The following JAKMIP3 variants were observed in gnomAD, a reference collection of about 807,000 sequenced individuals.
JAKMIP3 encodes Janus kinase and microtubule interacting protein 3.
A neutral mutation model predicts 118.5 loss-of-function variants in JAKMIP3; 58 were observed. The observed-to-expected ratio is 0.49, with a 90% CI of 0.40 to 0.61. The LOEUF (loss-of-function observed/expected upper bound fraction) is 0.61. Ranked by LOEUF, JAKMIP3 falls within the 20% of genes least tolerant of loss-of-function variation. The probability of loss-of-function intolerance (pLI) is 0.00; values close to 1 mark genes in which losing one functional copy is unlikely to be tolerated. For missense variants in JAKMIP3, 950 were observed against 1,109.0 expected, an observed-to-expected ratio of 0.86 and a Z score of 2.04; for synonymous variants, 486 against 451.2, an observed-to-expected ratio of 1.08 and a Z score of -0.98.
Position 132,049,988 on chromosome 10 carries a change from G to T in JAKMIP3, c.-138+13250G>T, listed in dbSNP as rs1366470960. 6.6e-6 allele frequency among the ~76,000 whole-genome samples: 1 copy of T among 152,160 alleles called. No homozygotes were observed. Among genetic ancestry groups the T allele is most frequent in the African/African-American group, 2.4e-5 (1 of 41,442 alleles). On this transcript the variant is annotated intron_variant, in intron 1 of 23. Transcript: ENST00000657785. The surrounding 1 kb of genome is among the most constrained non-coding windows in gnomAD (Gnocchi z 4.3). ...TTTTTGTTTCGTTTTGATGATGGAG[G>T]TTTGTGAATATTCCCAAGTTCATGG...
rs547080719 is a variant in JAKMIP3, at chr10:132,157,848, C to G, written c.2220+3858C>G. Reference sequence around the variant, plus strand: ...AAATATTTCACCCAGCTTGTTGTTGCTCTTTGATATCAAACACTGTTTTGA... The same window carrying G: ...AAATATTTCACCCAGCTTGTTGTTGGTCTTTGATATCAAACACTGTTTTGA... On this transcript the variant is annotated intron_variant, in intron 19 of 23. Transcript: ENST00000684848. Among the ~76,000 whole-genome samples, 8 of 152,114 alleles carry G rather than the reference C, an allele frequency of 5.3e-5. No individual in the cohort carries two copies. In the South Asian group the frequency reaches 1.7e-3, roughly 32 times the overall value.
At chr10:132,078,568 T>C (rs1274340806) in intron 1 of JAKMIP3, among the ~76,000 whole-genome samples, 2 of 141,232 alleles carry the variant, frequency 1.4e-5, no homozygotes, top group Non-Finnish European at 3.1e-5. Context: ...TCCCATTCCC[T>C]GCGCATAACA....
At chr10:132,165,864 G>A (rs1353386342) in intron 21 of JAKMIP3, among the ~76,000 whole-genome samples, 1 of 152,244 alleles carries the variant, frequency 6.6e-6, no homozygotes, top group Non-Finnish European at 1.5e-5. Flanking sequence ...GTGGACTCCA[G>A]GCCACGTGGG....
chr10:132,094,084 C>A (rs1204291127), intron 1 of JAKMIP3, among the ~76,000 whole-genome samples: 2 of 151,986 alleles, frequency 1.3e-5, no homozygotes, highest in Non-Finnish European at 2.9e-5. Context: ...ACTACAGGCT[C>A]ACACCACCAT....
chr10:132,043,384 G>A (rs2037818142), intron 1 of JAKMIP3, among the ~76,000 whole-genome samples: 1 of 151,920 alleles, frequency 6.6e-6, no homozygotes, highest in East Asian at 1.9e-4. Context: ...CCGTTTGTGT[G>A]TGTGTGTGTA....
intron 19 of JAKMIP3, among the ~76,000 whole-genome samples, chr10:132,159,266 G>A (rs142256659): frequency 1.5e-4 from 21 of 142,046 alleles, no homozygotes; most frequent in South Asian, 2.4e-4. Context: ...GTGTGATGTC[G>A]GGGGCACCTC....
intron 11 of JAKMIP3, 53 bp from the exon 12 acceptor site, chr10:132,145,054 G>T (rs752554424): frequency 7.9e-5 from 117 of 1,488,536 alleles, no homozygotes; most frequent in Non-Finnish European, 1.0e-4. Flanking sequence ...TGTGTGTGCT[G>T]TCTGTCCCAG....
chr10:132,093,939 T>C (rs1201013825), intron 1 of JAKMIP3, among the ~76,000 whole-genome samples: 1 of 147,064 alleles, frequency 6.8e-6, no homozygotes, highest in East Asian at 2.0e-4. Context: ...CTATTTTTTT[T>C]TTTTTTTTTT....
In JAKMIP3 at chr10:132,149,447, C is replaced by A; in HGVS notation, c.1884C>A (p.His628Gln). 6.2e-7 allele frequency: 1 copy of A among 1,606,862 alleles called. No homozygotes were observed. Among genetic ancestry groups the A allele is most frequent in the Non-Finnish European group, 8.5e-7 (1 of 1,177,530 alleles). ...RERKSPAISF[H>Q]HTPFVDGKSP... ...GGAAGTCACCCGCCATCAGCTTCCA[C>A]CACACGCCCTTCGTGGACGGGAAGA... The change falls in exon 15 of 24, where the codon CAC (histidine) becomes CAA (glutamine). Residue 628 changes from histidine (H) to glutamine (Q), a missense_variant. Physicochemically the swap from His to Gln is conservative, Grantham distance 24. Coordinates refer to ENST00000684848, the MANE Select transcript of JAKMIP3 (RefSeq NM_001323087.2).
chr10:132,141,221 C>T (rs1451291357), intron 10 of JAKMIP3, among the ~76,000 whole-genome samples: 2 of 152,196 alleles, frequency 1.3e-5, no homozygotes, highest in African/African-American at 2.4e-5. Flanking sequence ...GCCCAATGGC[C>T]ATAGACCTGT....
chr10:132,153,133 G>T, intron 17 of JAKMIP3, 110 bp downstream of exon 17: 1 of 855,944 alleles, frequency 1.2e-6, no homozygotes, highest in Non-Finnish European at 1.9e-6. Context: ...GGCCGGGTTT[G>T]GGGGGTCCAC....
At chr10:132,107,092 G>T (rs777661913) in intron 2 of JAKMIP3, among the ~76,000 whole-genome samples, 6 of 148,508 alleles carry the variant, frequency 4.0e-5, no homozygotes, top group Non-Finnish European at 7.4e-5. Context: ...ACTGGGTCTC[G>T]CCATTTTGCC....
At chr10:132,143,082 C>A (rs541400624) in intron 11 of JAKMIP3, among the ~76,000 whole-genome samples, 6 of 151,302 alleles carry the variant, frequency 4.0e-5, no homozygotes, top group Non-Finnish European at 8.8e-5. Flanking sequence ...TCATTGGGGA[C>A]GTCTGTTGTG....
At chr10:132,148,346 G>T (rs143956340) in intron 14 of JAKMIP3, among the ~76,000 whole-genome samples, 1 of 152,174 alleles carries the variant, frequency 6.6e-6, no homozygotes, top group African/African-American at 2.4e-5. Flanking sequence ...GAAATGGCCC[G>T]TGGCGCTCAG....
In JAKMIP3 at chr10:132,117,532, C is replaced by T. The variant is rs1318331664; in HGVS notation, c.591C>T (p.Ile197=). 2 of 1,589,998 alleles carry T rather than the reference C, an allele frequency of 1.3e-6. No homozygotes were observed. Among genetic ancestry groups the T allele is most frequent in the African/African-American group, 1.3e-5 (1 of 74,404 alleles). The part of the protein sequence containing the change: ...RSVYHLHQEE[I]TRIKKECERE... ...TGTACCACCTGCACCAGGAGGAGAT[C>T]ACCCGCATCAAGAAGGAGTGCGAGC... Residue 197 remains isoleucine (I), a synonymous_variant, in exon 3 of 24, where the codon ATC becomes ATT. Transcript: ENST00000684848. This position sits in a 1 kb window ranked among gnomAD's most constrained non-coding sequence, Gnocchi z 8.6.
intron 1 of JAKMIP3, among the ~76,000 whole-genome samples, chr10:132,055,840 G>C (rs916129798): frequency 7.2e-5 from 11 of 152,176 alleles, no homozygotes; most frequent in Admixed American, 5.2e-4. Flanking sequence ...CCAGTAATTA[G>C]CCTTCTCCCC....
chr10:132,048,654 G>A (rs1231672795), intron 1 of JAKMIP3, among the ~76,000 whole-genome samples: 2 of 137,424 alleles, frequency 1.5e-5, no homozygotes, highest in Non-Finnish European at 3.1e-5. Flanking sequence ...TTCCAGGCTT[G>A]ACTGTTTCTT....
At position 132,133,472 on chromosome 10, in the gene JAKMIP3, G is replaced by A. The variant is rs527256670; in HGVS notation, c.794G>A (p.Arg265Gln). 11 of 1,583,392 alleles carry A rather than the reference G, an allele frequency of 6.9e-6. No homozygotes were observed. The highest frequency in any genetic ancestry group is 6.7e-5 in the African/African-American group (5 of 74,276). The stretch of plus-strand genomic sequence containing the variant: ...GACCGGCACCCGGGCAGCCCCAGAC[G>A]GGAACTTCCTCATGCAGCTGGTGCA... ...EADRHPGSPR[R>Q]ELPHAAGAGD... is the part of the protein sequence containing the mutation. Residue 265 changes from arginine (R) to glutamine (Q), a missense_variant, in exon 4 of 24, where the codon CGG becomes CAG. Coordinates refer to ENST00000684848, the MANE Select transcript of JAKMIP3 (RefSeq NM_001323087.2).
rs1318352347 is a variant in JAKMIP3, at chr10:132,180,616, CGTGT to C, written c.*1104-1735_*1104-1732del. 6.2e-3 allele frequency among the ~76,000 whole-genome samples: 91 copies of C among 14,604 alleles called. 11 individuals carry two copies. In the East Asian group the frequency reaches 0.095, roughly 15 times the overall value. The allele number at this position is 14,604 out of a possible 152,430, so 9.6% of individuals were successfully genotyped here. ...GTGTGTGCGTGCGCGTGTGTGTGTG[CGTGT>C]GTGTGCGTGTGTGCGTGCGTGTGTG... On this transcript the variant is annotated intron_variant, in intron 23 of 23. Transcript: ENST00000684848.
Sources: gnomAD v4.1 joint callset for allele counts (sites outside exome capture counted in the v4.1 genomes callset) on GRCh38, gnomAD v4.1.1 for gene constraint, Gnocchi (gnomAD v3.1) non-coding constraint, MANE v1.5 for transcripts, NCBI Gene and HGNC (gene_info 2026-07-23, HGNC 2026-07-21) for gene names.